Variants in RNF220 observed in about 807,000 individuals in gnomAD.
RNF220 encodes E3 ubiquitin-protein ligase RNF220.
A neutral mutation model predicts 67.1 loss-of-function variants in RNF220; 7 were observed. That is an observed-to-expected ratio of 0.10 (90% CI 0.06 to 0.20). The LOEUF (loss-of-function observed/expected upper bound fraction) is 0.20, where lower values mean the gene tolerates loss of function less well. Among genes scored for constraint, RNF220 ranks in the 10% least tolerant of loss-of-function variants. The pLI, the probability that RNF220 is intolerant of heterozygous loss-of-function variation, is 1.00. For synonymous variants in RNF220, 270 were observed against 283.2 expected (o/e 0.95, Z 0.47); for missense variants, 565 against 740.3 (o/e 0.76, Z 2.75).
intron 2 of RNF220, among the ~76,000 whole-genome samples, chr1:44,516,274 A>T (rs1659443015): frequency 1.3e-5 from 2 of 152,380 alleles, no homozygotes; most frequent in South Asian, 4.1e-4. Flanking sequence ...AGGTAATGTC[A>T]AAACACTATG....
At chr1:44,418,426 G>A (rs1457113566) in intron 2 of RNF220, among the ~76,000 whole-genome samples, 2 of 152,186 alleles carry the variant, frequency 1.3e-5, no homozygotes, top group African/African-American at 4.8e-5. Flanking sequence ...AAATGTTCCG[G>A]GGAATGTTTC....
At chr1:44,437,233 T>G (rs1365949377) in intron 2 of RNF220, among the ~76,000 whole-genome samples, 1 of 152,174 alleles carries the variant, frequency 6.6e-6, no homozygotes, top group Non-Finnish European at 1.5e-5. Flanking sequence ...GTCGATTGCA[T>G]AGACACAGCT....
intron 2 of RNF220, among the ~76,000 whole-genome samples, chr1:44,529,756 A>G (rs1660689174): frequency 6.6e-6 from 1 of 152,208 alleles, no homozygotes; most frequent in African/African-American, 2.4e-5. Flanking sequence ...GCCACTTTAC[A>G]CAATAAAATA....
intron 2 of RNF220, among the ~76,000 whole-genome samples, chr1:44,509,565 G>T (rs1448910254): frequency 3.5e-4 from 46 of 130,390 alleles, no homozygotes; most frequent in South Asian, 7.6e-4. Flanking sequence ...AAAAAAAAAA[G>T]AAATAAATAA....
chr1:44,645,589 A>G lies in RNF220; in HGVS notation c.1445+101A>G, dbSNP rs1482574351. 1 of 1,211,802 alleles carries G rather than the reference A, an allele frequency of 8.3e-7. No homozygotes were observed. The highest frequency in any genetic ancestry group is 1.2e-6 in the Non-Finnish European group (1 of 839,740). 75.1% of individuals were successfully genotyped at this position (1,211,802 alleles called of 1,614,324 possible). A position where few individuals can be genotyped will look rare whatever the true frequency, so the allele number is the denominator to read the frequency against. Reference sequence around the variant, plus strand: ...TGCTGCCAGGGCTTCTGGCCCTCCCAAGTGCAGCTCAGTGCTGCTGCCCTG... The same window carrying G: ...TGCTGCCAGGGCTTCTGGCCCTCCCGAGTGCAGCTCAGTGCTGCTGCCCTG... On this transcript the variant is annotated intron_variant, in intron 12 of 14. Coordinates refer to ENST00000361799, the MANE Select transcript of RNF220 (RefSeq NM_018150.4). The surrounding 1 kb of genome is among the most constrained non-coding windows in gnomAD (Gnocchi z 5.0).
intron 2 of RNF220, among the ~76,000 whole-genome samples, chr1:44,553,757 G>A (rs1214430284): frequency 2.6e-5 from 4 of 152,220 alleles, no homozygotes; most frequent in Admixed American, 2.6e-4. Context: ...GCAAGAAACA[G>A]AGGCCCACGA....
At chr1:44,626,490 T>G in intron 5 of RNF220, 92 bp downstream of exon 5, 2 of 998,304 alleles carry the variant, frequency 2.0e-6, no homozygotes, top group Non-Finnish European at 1.6e-6. Context: ...CTCTCCTCTG[T>G]AGGCCACAGG....
chr1:44,434,474 C>A (rs958610597), intron 2 of RNF220, among the ~76,000 whole-genome samples: 2 of 151,944 alleles, frequency 1.3e-5, no homozygotes, highest in African/African-American at 4.8e-5. Context: ...TTTGGGAGGC[C>A]GAGGCGGGCG....
In RNF220 at chr1:44,645,304, T is replaced by C. The variant is rs774438317; in HGVS notation, c.1366+28T>C. 6 of 1,613,758 alleles carry C rather than the reference T, an allele frequency of 3.7e-6. No homozygotes were observed. The South Asian group carries it at 6.6e-5, about 18-fold the overall frequency. ...AAGTCCTGCCCCAGGTTAGGAGTAA[T>C]GGGGGAGAGGGGGTATCCCTAGATG... On this transcript the variant is annotated intron_variant, in intron 11 of 14. Coordinates refer to ENST00000361799, the MANE Select transcript of RNF220 (RefSeq NM_018150.4). This position sits in a 1 kb window ranked among gnomAD's most constrained non-coding sequence, Gnocchi z 5.0.
chr1:44,582,288 C>A (rs550943018), intron 2 of RNF220, among the ~76,000 whole-genome samples: 3 of 152,188 alleles, frequency 2.0e-5, no homozygotes, highest in Non-Finnish European at 4.4e-5. Context: ...TGCTCCTGAG[C>A]GGCAATGTCC....
At chr1:44,625,752 A>G (rs531605820) in intron 4 of RNF220, among the ~76,000 whole-genome samples, 73 of 152,162 alleles carry the variant, frequency 4.8e-4, no homozygotes, top group African/African-American at 1.7e-3. Context: ...AAGAGGCCAT[A>G]CAAGATTGAC....
chr1:44,624,424 C>T lies in RNF220; in HGVS notation c.804+1637C>T, dbSNP rs1573087888. ...CCCCACATATACAGACCCACACACACACTCAGGTCAGAATACAGACATAGG... is the reference window on the plus strand; with the variant it reads ...CCCCACATATACAGACCCACACACATACTCAGGTCAGAATACAGACATAGG... On this transcript the variant is annotated intron_variant, in intron 4 of 14. Coordinates refer to ENST00000361799, the MANE Select transcript of RNF220 (RefSeq NM_018150.4). This position sits in a 1 kb window ranked among gnomAD's most constrained non-coding sequence, Gnocchi z 4.2. Among the ~76,000 whole-genome samples, 1 of 152,320 alleles carries T rather than the reference C, an allele frequency of 6.6e-6. No homozygotes were observed. The highest frequency in any genetic ancestry group is 3.4e-3 in the Middle Eastern group (1 of 294).
At chr1:44,424,302 T>C (rs912362289) in intron 2 of RNF220, among the ~76,000 whole-genome samples, 6 of 151,980 alleles carry the variant, frequency 3.9e-5, no homozygotes, top group African/African-American at 1.5e-4. Flanking sequence ...CTGGTGATAG[T>C]GGAGGATGGG....
chr1:44,496,264 G>T (rs536886618), intron 2 of RNF220, among the ~76,000 whole-genome samples: 28 of 152,070 alleles, frequency 1.8e-4, no homozygotes, highest in African/African-American at 6.0e-4. Context: ...AAATCCCAGT[G>T]AAGCTGGGGA....
At chr1:44,596,009 C>G (rs1234944410) in intron 2 of RNF220, among the ~76,000 whole-genome samples, 3 of 152,182 alleles carry the variant, frequency 2.0e-5, no homozygotes, top group Non-Finnish European at 1.5e-5. Context: ...CATGATCCGC[C>G]CATCTCAGCC....
chr1:44,523,002 C>T (rs920969312), intron 2 of RNF220, among the ~76,000 whole-genome samples: 1 of 152,174 alleles, frequency 6.6e-6, no homozygotes, highest in Non-Finnish European at 1.5e-5. Context: ...TCTGGAAGGA[C>T]TAGTAAGGGA....
At chr1:44,640,567 C>T (rs1476899519) in intron 8 of RNF220, among the ~76,000 whole-genome samples, 1 of 152,238 alleles carries the variant, frequency 6.6e-6, no homozygotes, top group African/African-American at 2.4e-5. Flanking sequence ...TGTCTCTCTG[C>T]GTCTCTCCTG....
intron 2 of RNF220, among the ~76,000 whole-genome samples, chr1:44,450,529 A>G (rs1047305240): frequency 6.6e-6 from 1 of 152,204 alleles, no homozygotes; most frequent in African/African-American, 2.4e-5. Flanking sequence ...ATGTATATTT[A>G]TGTAGATAGA....
chr1:44,586,235 C>T (rs1223267160), intron 2 of RNF220, among the ~76,000 whole-genome samples: 1 of 152,160 alleles, frequency 6.6e-6, no homozygotes, highest in Admixed American at 6.5e-5. Flanking sequence ...TCCAAATGGA[C>T]ATGTCCTTTG....
Sources: gnomAD v4.1 joint callset for allele counts (sites outside exome capture counted in the v4.1 genomes callset) on GRCh38, gnomAD v4.1.1 for gene constraint, Gnocchi (gnomAD v3.1) non-coding constraint, MANE v1.5 for transcripts, NCBI Gene and HGNC (gene_info 2026-07-23, HGNC 2026-07-21) for gene names.